BNIP1: variants seen among roughly 807,000 people sequenced by gnomAD.
BNIP1 encodes the protein vesicle transport protein SEC20.
Under a neutral mutation model 28.5 loss-of-function variants are expected in BNIP1, and 25 were observed. The ratio of observed to expected loss-of-function variants is 0.88; its 90% CI spans 0.64 to 1.23. BNIP1 has a LOEUF of 1.23. Ranked by LOEUF, BNIP1 falls within the 50% of genes most tolerant of loss-of-function variation. The probability of loss-of-function intolerance (pLI) is 0.00; values close to 1 mark genes in which losing one functional copy is unlikely to be tolerated. For synonymous variants in BNIP1, 118 were observed against 101.7 expected, an observed-to-expected ratio of 1.16 and a Z score of -0.96; for missense variants, 276 against 277.0, an observed-to-expected ratio of 1.00 and a Z score of 0.02.
intron 5 of BNIP1, 42 bp from the exon 6 acceptor site, chr5:173,163,683 G>A: frequency 6.5e-6 from 10 of 1,528,576 alleles, no homozygotes; most frequent in Non-Finnish European, 8.8e-6. Flanking sequence ...TGGATCTTGA[G>A]CTGCAGTCTC....
chr5:173,157,534 A>T (rs765048942), intron 3 of BNIP1, among the ~76,000 whole-genome samples: 2 of 150,852 alleles, frequency 1.3e-5, no homozygotes, highest in African/African-American at 4.9e-5. Flanking sequence ...CCTGCCTCAG[A>T]CTCCCGAGTA....
chr5:173,159,073 T>C (rs929578863), intron 4 of BNIP1, among the ~76,000 whole-genome samples: 1 of 152,116 alleles, frequency 6.6e-6, no homozygotes, highest in Non-Finnish European at 1.5e-5. Context: ...GTCTCACTCT[T>C]GTAGCCCAGG....
In BNIP1 at chr5:173,163,953, G is replaced by A; in HGVS notation, c.*32G>A. ...AAAGGTGCCAGTTCTGGCCCTTTCAGCTCCTGTTTCAGGATCTGTCCTGGT... is the reference window on the plus strand; with the variant it reads ...AAAGGTGCCAGTTCTGGCCCTTTCAACTCCTGTTTCAGGATCTGTCCTGGT... On this transcript the variant is annotated 3_prime_UTR_variant, in exon 6 of 6. Coordinates refer to ENST00000351486, the MANE Select transcript of BNIP1 (RefSeq NM_001205.3). 1 of 1,555,484 alleles carries A rather than the reference G, an allele frequency of 6.4e-7. No individual in the cohort carries two copies. Among genetic ancestry groups the A allele is most frequent in the Non-Finnish European group, 8.7e-7 (1 of 1,149,374 alleles).
At chr5:173,157,013 T>C (rs1273738886) in intron 3 of BNIP1, among the ~76,000 whole-genome samples, 3 of 151,928 alleles carry the variant, frequency 2.0e-5, no homozygotes, top group Non-Finnish European at 4.4e-5. Context: ...GAAGCAGTAG[T>C]TGTGCTTGCT....
chr5:173,158,918 T>C, intron 4 of BNIP1, 73 bp downstream of exon 4: 4 of 1,151,030 alleles, frequency 3.5e-6, no homozygotes, highest in Non-Finnish European at 4.8e-6. Context: ...AAACCCCCTC[T>C]TGTTTTCAGC....
At position 173,164,202 on chromosome 5, in the gene BNIP1, A is replaced by T. The variant is rs1251263480; in HGVS notation, c.*281A>T. 2 of 284,250 alleles carry T rather than the reference A, an allele frequency of 7.0e-6. No individual in the cohort carries two copies. The highest frequency in any genetic ancestry group is 1.3e-5 in the Non-Finnish European group (2 of 153,770). 17.6% of individuals were successfully genotyped at this position (284,250 alleles called of 1,614,324 possible). ...ATGGGAGGCCGCTGCTGCGTGGAGC[A>T]CTTAAAGTCCAGCCTCCAGGACCGG... On this transcript the variant is annotated 3_prime_UTR_variant, in exon 6 of 6. Transcript: ENST00000351486. This position sits in a 1 kb window ranked among gnomAD's most constrained non-coding sequence, Gnocchi z 4.0.
At chr5:173,152,637 C>T (rs1760056223) in intron 2 of BNIP1, among the ~76,000 whole-genome samples, 1 of 152,176 alleles carries the variant, frequency 6.6e-6, no homozygotes, top group Non-Finnish European at 1.5e-5. Flanking sequence ...GCGTGAACCA[C>T]CAGGCCCAGC....
intron 3 of BNIP1, among the ~76,000 whole-genome samples, chr5:173,156,803 C>G (rs542812894): frequency 3.3e-3 from 498 of 151,930 alleles, no homozygotes; most frequent in African/African-American, 0.011. Flanking sequence ...CACCCGCCAC[C>G]ACGCCTGGCT....
At chr5:173,149,954 G>T (rs909863195) in intron 2 of BNIP1, among the ~76,000 whole-genome samples, 4 of 152,178 alleles carry the variant, frequency 2.6e-5, no homozygotes, top group African/African-American at 9.7e-5. Flanking sequence ...GACTATATCA[G>T]GTCTAAAGAC....
At chr5:173,150,369 A>G (rs761472452) in intron 2 of BNIP1, among the ~76,000 whole-genome samples, 9 of 152,178 alleles carry the variant, frequency 5.9e-5, no homozygotes, top group Non-Finnish European at 1.2e-4. Flanking sequence ...AAGCTGGTAG[A>G]AAAGCTGGCC....
chr5:173,153,389 G>A (rs776661170), intron 2 of BNIP1, among the ~76,000 whole-genome samples: 36 of 151,922 alleles, frequency 2.4e-4, no homozygotes, highest in Non-Finnish European at 4.6e-4. Context: ...CACCACGCCC[G>A]GCTAATTTTT....
chr5:173,149,232 TG>T (rs1759949318), intron 2 of BNIP1, among the ~76,000 whole-genome samples: 1 of 152,144 alleles, frequency 6.6e-6, no homozygotes, highest in Non-Finnish European at 1.5e-5. Context: ...TACGTGAGAC[TG>T]GGAAGAAAAA....
intron 3 of BNIP1, among the ~76,000 whole-genome samples, chr5:173,155,283 C>T (rs894663262): frequency 1.3e-5 from 2 of 152,186 alleles, no homozygotes; most frequent in East Asian, 3.8e-4. Flanking sequence ...TTTAACTTTT[C>T]CAATGAAATT....
At chr5:173,160,945 G>C (rs1177822990) in intron 5 of BNIP1, 1 of 447,020 alleles carries the variant, frequency 2.2e-6, no homozygotes, top group Non-Finnish European at 4.5e-6. Flanking sequence ...CCCTCTCCAG[G>C]GTCCTTCAGT....
rs1157875015 is a variant in BNIP1 at position 173,163,900 on chromosome 5, G to A, written c.666G>A (p.Lys222=). The change falls in exon 6 of 6, where the codon AAG becomes AAA. Residue 222 remains lysine, a synonymous_variant. Transcript: ENST00000351486. ...FLATVLYIVK[K]RLFPFL ...CTACGGTCCTCTATATTGTGAAAAAGCGGCTCTTTCCATTTTTGTGAGATC... is the reference window on the plus strand; with the variant it reads ...CTACGGTCCTCTATATTGTGAAAAAACGGCTCTTTCCATTTTTGTGAGATC... 1.9e-6 allele frequency: 3 copies of A among 1,602,856 alleles called. No homozygotes were observed. Among genetic ancestry groups the A allele is most frequent in the Non-Finnish European group, 2.6e-6 (3 of 1,175,386 alleles).
chr5:173,153,869 A>G (rs1451349344), intron 2 of BNIP1, among the ~76,000 whole-genome samples: 2 of 152,202 alleles, frequency 1.3e-5, no homozygotes, highest in African/African-American at 4.8e-5. Flanking sequence ...CAAACCTTCA[A>G]GCGCTCAAAC....
chr5:173,154,025 C>G (rs1760107584), intron 2 of BNIP1, among the ~76,000 whole-genome samples: 1 of 152,170 alleles, frequency 6.6e-6, no homozygotes, highest in Non-Finnish European at 1.5e-5. Context: ...CGGGCCTGCC[C>G]TAGGTGACAG....
rs766941658 is a variant in BNIP1, at chr5:173,146,873, G to A, written c.92G>A (p.Arg31His). 38 of 1,612,848 alleles carry A rather than the reference G, an allele frequency of 2.4e-5. No homozygotes were observed. Among genetic ancestry groups the A allele is most frequent in the South Asian group, 4.4e-5 (4 of 91,058 alleles). ...CTGTTCAATGTCTCCTAGGATATCC[G>A]TGATTGTTCAGGACCCTTAAGTGCT... is the stretch of plus-strand genomic sequence containing the variant. ...LEVKALIQDIRDCSGPLSALT... is the reference protein window; with the variant it reads ...LEVKALIQDIHDCSGPLSALT... The change falls in exon 2 of 6, where the codon CGT (arginine) becomes CAT (histidine). Residue 31 changes from arginine (R) to histidine (H), a missense_variant. Transcript: ENST00000351486.
In BNIP1 at chr5:173,151,680, C is replaced by T. The variant is rs754756627; in HGVS notation, c.178-2642C>T. The T allele has an allele frequency of 3.7e-6, 6 of 1,613,838 alleles. No individual in the cohort carries two copies. In the East Asian group the frequency reaches 1.1e-4, roughly 30 times the overall value. On this transcript the variant is annotated intron_variant, in intron 2 of 5. Coordinates refer to ENST00000351486, the MANE Select transcript of BNIP1 (RefSeq NM_001205.3). ...GCATGACTTCAACTCTCCAACTACA[C>T]CTGTTACCTTCAGTGTGAGTATTTG...
Sources: allele counts gnomAD v4.1 joint callset (sites outside exome capture counted in the v4.1 genomes callset), GRCh38; gene constraint gnomAD v4.1.1; non-coding constraint Gnocchi (gnomAD v3.1); transcripts MANE v1.5; gene names NCBI Gene and HGNC (gene_info 2026-07-23, HGNC 2026-07-21).